MPP7: variants seen among roughly 807,000 people sequenced by gnomAD.
The protein encoded by MPP7 is MAGUK p55 subfamily member 7.
Under a neutral mutation model 76.5 loss-of-function variants are expected in MPP7, and 60 were observed. The observed-to-expected ratio is 0.78, with a 90% CI of 0.64 to 0.97. MPP7 has a LOEUF of 0.97. Ranked by LOEUF, MPP7 falls within the 50% of genes least tolerant of loss-of-function variation. MPP7 has a pLI of 0.00. For synonymous variants in MPP7, 237 were observed against 244.5 expected (o/e 0.97, Z 0.29); for missense variants, 641 against 694.0 (o/e 0.92, Z 0.86).
intron 1 of MPP7, among the ~76,000 whole-genome samples, chr10:28,268,246 A>G (rs1463005130): frequency 6.6e-6 from 1 of 152,154 alleles, no homozygotes; most frequent in Non-Finnish European, 1.5e-5. Flanking sequence ...GGCAGAAGGT[A>G]CAAGAAGAAT....
Position 28,088,388 on chromosome 10 carries a change from C to T in MPP7, c.1123+1283G>A, listed in dbSNP as rs1853121080. ...AGGTAGATTTCTCCCATGATATTCC[C>T]ACGATAATGAGTTCTCAGGAGATCT... On this transcript the variant is annotated intron_variant, in intron 12 of 16. Coordinates refer to ENST00000683449, the MANE Select transcript of MPP7 (RefSeq NM_001318170.2). Among the ~76,000 whole-genome samples the T allele has an allele frequency of 2.0e-5, 3 of 152,054 alleles. No individual in the cohort carries two copies. In the South Asian group the frequency reaches 6.2e-4, roughly 32 times the overall value.
rs560220583 is a variant in MPP7, at chr10:28,189,357, G to A, written c.156+12796C>T. Among the ~76,000 whole-genome samples, 4 of 152,100 alleles carry A rather than the reference G, an allele frequency of 2.6e-5. No homozygotes were observed. The South Asian group carries it at 6.2e-4, about 24-fold the overall frequency. ...GCGGGAGGATCACTTGAGCCCAGGA[G>A]TTTGAGACCAGCCTAAGCAACACAG... On this transcript the variant is annotated intron_variant, in intron 3 of 16. Coordinates refer to ENST00000683449, the MANE Select transcript of MPP7 (RefSeq NM_001318170.2).
At chr10:28,296,619 C>T (rs1841042273) in intron 1 of MPP7, among the ~76,000 whole-genome samples, 1 of 152,184 alleles carries the variant, frequency 6.6e-6, no homozygotes, top group Non-Finnish European at 1.5e-5. Context: ...TAACAAGCAA[C>T]CCAATCAGTA....
intron 1 of MPP7, among the ~76,000 whole-genome samples, chr10:28,295,897 T>G (rs1284721723): frequency 6.6e-6 from 1 of 152,222 alleles, no homozygotes; most frequent in African/African-American, 2.4e-5. Flanking sequence ...TTTTTTGTTG[T>G]TAAAGGGATG....
chr10:28,089,204 C>A (rs896343097), intron 12 of MPP7, among the ~76,000 whole-genome samples: 5 of 152,108 alleles, frequency 3.3e-5, no homozygotes, highest in African/African-American at 1.2e-4. Flanking sequence ...TGAGCCACGG[C>A]ACCCAGCCAA....
In MPP7 at chr10:28,238,704, C is replaced by CGGTA. The variant is rs1486269081; in HGVS notation, c.-101_-100insTACC. On this transcript the variant is annotated 5_prime_UTR_variant, in exon 2 of 17. Coordinates refer to ENST00000683449, the MANE Select transcript of MPP7 (RefSeq NM_001318170.2). ...ATTCAACAGCCTGCAGCCACGTTGT[C>CGGTA]TACCAAGATCTGTATATTTTGTAAG... 8.8e-7 allele frequency: 1 copy of CGGTA among 1,136,300 alleles called. No homozygotes were observed. The highest frequency in any genetic ancestry group is 1.3e-6 in the Non-Finnish European group (1 of 760,680). 70.4% of individuals were successfully genotyped at this position (1,136,300 alleles called of 1,614,324 possible).
chr10:28,150,892 T>C (rs1287024731), intron 3 of MPP7, among the ~76,000 whole-genome samples: 3 of 152,188 alleles, frequency 2.0e-5, no homozygotes, highest in Admixed American at 1.3e-4. Flanking sequence ...AAAAGACGTG[T>C]TGACAAACAC....
chr10:28,112,251 T>G (rs1248152001), intron 11 of MPP7, among the ~76,000 whole-genome samples: 1 of 152,212 alleles, frequency 6.6e-6, no homozygotes, highest in Non-Finnish European at 1.5e-5. Flanking sequence ...GGACATCAGA[T>G]GGGTCACTTT....
chr10:28,182,821 T>C (rs1001129352), intron 3 of MPP7, among the ~76,000 whole-genome samples: 1 of 152,256 alleles, frequency 6.6e-6, no homozygotes, highest in Non-Finnish European at 1.5e-5. Context: ...CTCACGCCTG[T>C]AATCCCACCA....
chr10:28,267,493 A>T (rs1279172737), intron 1 of MPP7, among the ~76,000 whole-genome samples: 1 of 152,204 alleles, frequency 6.6e-6, no homozygotes, highest in African/African-American at 2.4e-5. Flanking sequence ...TAATACAAAA[A>T]TCTGAAATCC....
intron 12 of MPP7, among the ~76,000 whole-genome samples, chr10:28,073,122 G>A (rs1381624961): frequency 6.6e-6 from 1 of 152,134 alleles, no homozygotes; most frequent in Non-Finnish European, 1.5e-5. Flanking sequence ...TCCCCATGAT[G>A]GCAATTTCGA....
Position 28,238,667 on chromosome 10 carries a change from C to G in MPP7, c.-63G>C, listed in dbSNP as rs755308642. 6 of 1,557,520 alleles carry G rather than the reference C, an allele frequency of 3.9e-6. No individual in the cohort carries two copies. Among genetic ancestry groups the G allele is most frequent in the Non-Finnish European group, 4.4e-6 (5 of 1,130,206 alleles). On this transcript the variant is annotated 5_prime_UTR_variant, in exon 2 of 17. Transcript: ENST00000683449. Reference sequence around the variant, plus strand: ...CGGACACCCTGCCTTCGGACAGCCACAGGGAATTCCAATTCAACAGCCTGC... The same window carrying G: ...CGGACACCCTGCCTTCGGACAGCCAGAGGGAATTCCAATTCAACAGCCTGC...
At chr10:28,182,937 G>T (rs1837106509) in intron 3 of MPP7, among the ~76,000 whole-genome samples, 2 of 152,180 alleles carry the variant, frequency 1.3e-5, no homozygotes, top group African/African-American at 4.8e-5. Context: ...AATCAGCCGG[G>T]CGTGATGGCG....
intron 1 of MPP7, among the ~76,000 whole-genome samples, chr10:28,274,904 T>C (rs1043738698): frequency 1.6e-4 from 25 of 152,222 alleles, no homozygotes; most frequent in Admixed American, 8.5e-4. Flanking sequence ...TAGTTCAATT[T>C]TATCCTTAGA....
intron 1 of MPP7, among the ~76,000 whole-genome samples, chr10:28,281,852 G>T (rs746823130): frequency 6.6e-6 from 1 of 152,126 alleles, no homozygotes; most frequent in South Asian, 2.1e-4. Flanking sequence ...CTAGTTTTAC[G>T]GTCCACATTC....
intron 5 of MPP7, among the ~76,000 whole-genome samples, chr10:28,145,068 C>G (rs1835661099): frequency 6.6e-6 from 1 of 152,124 alleles, no homozygotes; most frequent in Non-Finnish European, 1.5e-5. Context: ...CACACACCAC[C>G]ACACCTGGCT....
rs572325404 is a variant in MPP7, at chr10:28,233,756, G to A, written c.37+4812C>T. Among the ~76,000 whole-genome samples, 126 of 150,806 alleles carry A rather than the reference G, an allele frequency of 8.4e-4. 1 individual carries two copies. The South Asian group carries it at 0.025, about 30-fold the overall frequency. On this transcript the variant is annotated intron_variant, in intron 2 of 16. Transcript: ENST00000683449. The stretch of plus-strand genomic sequence containing the variant: ...AAAAAGAGAGAAACAACACTCCAAG[G>A]CTGAGTGCGGTGCCTCATGCCTATA...
At chr10:28,059,289 G>A (rs75572236) in intron 14 of MPP7, among the ~76,000 whole-genome samples, 3 of 152,172 alleles carry the variant, frequency 2.0e-5, no homozygotes, top group East Asian at 1.9e-4. Flanking sequence ...TGAAGCAGAC[G>A]CTGGACCTAG....
chr10:28,176,739 A>C (rs1334861068), intron 3 of MPP7, among the ~76,000 whole-genome samples: 3 of 151,992 alleles, frequency 2.0e-5, no homozygotes, highest in Non-Finnish European at 4.4e-5. Context: ...TCTGTCTAAA[A>C]AAAAAGAAAC....
Sources: allele counts gnomAD v4.1 joint callset (sites outside exome capture counted in the v4.1 genomes callset), GRCh38; gene constraint gnomAD v4.1.1; transcripts MANE v1.5; gene names NCBI Gene and HGNC (gene_info 2026-07-23, HGNC 2026-07-21).